Variants in TBC1D32 observed in about 807,000 individuals in gnomAD.
TBC1D32 encodes TBC1 domain family member 32, also known as protein broad-minded.
Under a neutral mutation model 170.3 loss-of-function variants are expected in TBC1D32, and 151 were observed. The ratio of observed to expected loss-of-function variants is 0.89; its 90% CI spans 0.78 to 1.01. The LOEUF is 1.01. Among genes scored for constraint, TBC1D32 ranks in the 50% least tolerant of loss-of-function variants. The pLI, the probability that TBC1D32 is intolerant of heterozygous loss-of-function variation, is 0.00. For missense variants in TBC1D32, 1,464 were observed against 1,457.1 expected (o/e 1.00, Z -0.08); for synonymous variants, 498 against 488.0 (o/e 1.02, Z -0.27).
intron 22 of TBC1D32, among the ~76,000 whole-genome samples, chr6:121,176,571 C>T (rs993328334): frequency 4.6e-5 from 7 of 152,186 alleles, no homozygotes; most frequent in Admixed American, 3.3e-4. Flanking sequence ...TACTTGGCAT[C>T]CCTACTGTTC....
At chr6:121,303,329 G>C (rs1016190348) in intron 9 of TBC1D32, among the ~76,000 whole-genome samples, 9 of 151,958 alleles carry the variant, frequency 5.9e-5, no homozygotes, top group African/African-American at 2.2e-4. Context: ...TTTTTGAATA[G>C]GTCATTCAGC....
chr6:121,334,262 A>C lies in TBC1D32; in HGVS notation c.155+14T>G. On this transcript the variant is annotated intron_variant, in intron 1 of 31. Transcript: ENST00000398212. ...CGATGGTTTATAGGCTTAAAACATC[A>C]AAAGCAATTTTACTTGTGAAAATTT... is the stretch of plus-strand genomic sequence containing the variant. The C allele has an allele frequency of 6.2e-7, 1 of 1,612,204 alleles. No homozygotes were observed.
chr6:121,158,795 G>A (rs1785223171), intron 24 of TBC1D32, among the ~76,000 whole-genome samples: 1 of 152,184 alleles, frequency 6.6e-6, no homozygotes, highest in African/African-American at 2.4e-5. Context: ...AGTAGGTAGA[G>A]TTTAAGAGTG....
chr6:121,114,129 G>A (rs376046764), intron 27 of TBC1D32, among the ~76,000 whole-genome samples: 4 of 152,188 alleles, frequency 2.6e-5, no homozygotes, highest in East Asian at 3.9e-4. Flanking sequence ...AGCCGAGATC[G>A]TGCCACTGCA....
chr6:121,204,840 T>C (rs1454620250), intron 22 of TBC1D32, among the ~76,000 whole-genome samples: 2 of 152,128 alleles, frequency 1.3e-5, no homozygotes, highest in East Asian at 3.9e-4. Flanking sequence ...CTCTATTAAA[T>C]TAGGGAATGG....
chr6:121,220,432 A>C (rs1426994552), intron 21 of TBC1D32, among the ~76,000 whole-genome samples: 1 of 152,118 alleles, frequency 6.6e-6, no homozygotes, highest in Non-Finnish European at 1.5e-5. Context: ...AACTCTCTTT[A>C]GTTTTACGAA....
intron 19 of TBC1D32, among the ~76,000 whole-genome samples, chr6:121,241,189 T>G (rs1345510362): frequency 6.6e-6 from 1 of 152,138 alleles, no homozygotes; most frequent in Non-Finnish European, 1.5e-5. Context: ...CTTAAAGCAT[T>G]AAGTACGTTT....
At chr6:121,305,373 G>T (rs528922722) in intron 5 of TBC1D32, among the ~76,000 whole-genome samples, 2 of 152,108 alleles carry the variant, frequency 1.3e-5, no homozygotes, top group Admixed American at 1.3e-4. Context: ...GGCAACAGAT[G>T]TAGTTAGCAT....
chr6:121,112,331 T>G (rs890948368), intron 29 of TBC1D32, 174 bp downstream of exon 29: 13 of 494,900 alleles, frequency 2.6e-5, no homozygotes, highest in Non-Finnish European at 4.3e-5. Flanking sequence ...CACCAAGTAT[T>G]TGAGAAAATA....
At chr6:121,117,600 G>T (rs918865786) in intron 26 of TBC1D32, among the ~76,000 whole-genome samples, 5 of 152,104 alleles carry the variant, frequency 3.3e-5, no homozygotes, top group African/African-American at 4.8e-5. Flanking sequence ...TGCTTGGGAG[G>T]CTGAAGCAGA....
At chr6:121,279,303 C>A in intron 14 of TBC1D32, 58 bp from the exon 15 acceptor site, 4 of 1,549,784 alleles carry the variant, frequency 2.6e-6, no homozygotes, top group Non-Finnish European at 2.6e-6. Context: ...GCTAACATAT[C>A]ACAGACTAAA....
At position 121,256,161 on chromosome 6, in the gene TBC1D32, T is replaced by C. The variant is rs1163292548; in HGVS notation, c.1858A>G (p.Ile620Val). The change falls in exon 16 of 32, where the codon ATA (isoleucine) becomes GTA (valine). Residue 620 changes from isoleucine to valine, a missense_variant. This residue lies in a region of TBC1D32 where 1,363 missense variants were observed against 1,338.1 expected (regional missense o/e 1.02). Coordinates refer to ENST00000398212, the MANE Select transcript of TBC1D32 (RefSeq NM_152730.6). ...KGAFISVCRH[I>V]YSTCEGLQVL... ...TGCAAACCTTCACATGTACTATATATGTGACGACACACAGAAATAAAAGCT... is the reference window on the plus strand; with the variant it reads ...TGCAAACCTTCACATGTACTATATACGTGACGACACACAGAAATAAAAGCT... The C allele has an allele frequency of 2.5e-6, 4 of 1,614,064 alleles. No individual in the cohort carries two copies. The highest frequency in any genetic ancestry group is 3.4e-6 in the Non-Finnish European group (4 of 1,179,962).
At chr6:121,087,870 T>A (rs1471804329) in intron 31 of TBC1D32, among the ~76,000 whole-genome samples, 1 of 152,108 alleles carries the variant, frequency 6.6e-6, no homozygotes, top group African/African-American at 2.4e-5. Flanking sequence ...CATTATTAAA[T>A]ATGTAGAGCG....
intron 4 of TBC1D32, among the ~76,000 whole-genome samples, chr6:121,308,740 C>G (rs906381233): frequency 9.4e-5 from 12 of 127,102 alleles, no homozygotes; most frequent in African/African-American, 3.5e-4. Flanking sequence ...CCAGGCCAGA[C>G]TGCGGACTGC....
intron 24 of TBC1D32, among the ~76,000 whole-genome samples, chr6:121,157,046 A>C (rs1038012409): frequency 6.6e-5 from 10 of 152,088 alleles, no homozygotes; most frequent in African/African-American, 2.4e-4. Flanking sequence ...GTCAAGTTTA[A>C]TTCCACAATA....
chr6:121,243,762 A>T (rs1301452141), intron 17 of TBC1D32, among the ~76,000 whole-genome samples: 2 of 152,010 alleles, frequency 1.3e-5, no homozygotes, highest in African/African-American at 4.8e-5. Context: ...ATAAAAGTCA[A>T]CAAAATAAAA....
intron 30 of TBC1D32, among the ~76,000 whole-genome samples, chr6:121,104,620 T>A (rs946107083): frequency 3.3e-5 from 5 of 151,534 alleles, no homozygotes; most frequent in African/African-American, 1.2e-4. Flanking sequence ...TAACAATGAA[T>A]ATAAAAAGAT....
intron 21 of TBC1D32, among the ~76,000 whole-genome samples, chr6:121,216,773 G>A (rs534465918): frequency 2.5e-4 from 38 of 152,228 alleles, no homozygotes; most frequent in Middle Eastern, 3.4e-3. Context: ...TCTGTCTCCT[G>A]GCTTCAGAAG....
chr6:121,291,087 C>T lies in TBC1D32; in HGVS notation c.1372+966G>A, dbSNP rs564069609. Among the ~76,000 whole-genome samples the T allele has an allele frequency of 2.0e-4, 30 of 151,806 alleles. 2 individuals are homozygous for T. The South Asian group carries it at 6.0e-3, about 30-fold the overall frequency. On this transcript the variant is annotated intron_variant, in intron 12 of 31. Coordinates refer to ENST00000398212, the MANE Select transcript of TBC1D32 (RefSeq NM_152730.6). Reference sequence around the variant, plus strand: ...ATGGGTGCAGTTTACCAACATGGCACATGTATACATATGTAACTAACCTGC... The same window carrying T: ...ATGGGTGCAGTTTACCAACATGGCATATGTATACATATGTAACTAACCTGC...
Sources: gnomAD v4.1 joint callset for allele counts (sites outside exome capture counted in the v4.1 genomes callset) on GRCh38, gnomAD v4.1.1 for gene constraint, gnomAD v4.1.1 regional missense constraint, MANE v1.5 for transcripts, NCBI Gene and HGNC (gene_info 2026-07-23, HGNC 2026-07-21) for gene names.